BAIAP2: variants seen among roughly 807,000 people sequenced by gnomAD.
The protein encoded by BAIAP2 is BAR/IMD domain containing adaptor protein 2.
A neutral mutation model predicts 63.0 loss-of-function variants in BAIAP2; 18 were observed. The observed-to-expected ratio is 0.29, with a 90% confidence interval of 0.20 to 0.42. The LOEUF is 0.42. Among genes scored for constraint, BAIAP2 ranks in the 10% least tolerant of loss-of-function variants. The probability of loss-of-function intolerance (pLI) is 1.00; values close to 1 mark genes in which losing one functional copy is unlikely to be tolerated. For synonymous variants in BAIAP2, 386 were observed against 307.6 expected, an observed-to-expected ratio of 1.25 and a Z score of -2.67; for missense variants, 610 against 734.3, an observed-to-expected ratio of 0.83 and a Z score of 1.96.
chr17:81,067,701 C>A (rs994428907), intron 3 of BAIAP2, among the ~76,000 whole-genome samples: 1 of 152,224 alleles, frequency 6.6e-6, no homozygotes, highest in African/African-American at 2.4e-5. Flanking sequence ...CCTCTGCCGG[C>A]GTTGCTGCTG....
At chr17:81,049,342 C>T (rs1056363075) in intron 1 of BAIAP2, among the ~76,000 whole-genome samples, 2 of 152,202 alleles carry the variant, frequency 1.3e-5, no homozygotes, top group South Asian at 2.1e-4. Context: ...TGTCCCTGAG[C>T]GCCCTCAGTG....
intron 13 of BAIAP2, among the ~76,000 whole-genome samples, chr17:81,114,448 A>C (rs2060283397): frequency 6.6e-6 from 1 of 152,084 alleles, no homozygotes. Flanking sequence ...GCCCCTACCC[A>C]GGCCCCAGGA....
chr17:81,047,409 T>G (rs1411826383), intron 1 of BAIAP2, among the ~76,000 whole-genome samples: 1 of 152,214 alleles, frequency 6.6e-6, no homozygotes, highest in Non-Finnish European at 1.5e-5. Flanking sequence ...GGTCCTAGCA[T>G]CGACTCTTTC....
At chr17:81,100,552 G>A (rs1432517865) in intron 7 of BAIAP2, among the ~76,000 whole-genome samples, 4 of 152,020 alleles carry the variant, frequency 2.6e-5, no homozygotes, top group South Asian at 2.1e-4. Context: ...CTGCTCACCC[G>A]AGGCACTGAG....
intron 1 of BAIAP2, among the ~76,000 whole-genome samples, chr17:81,038,243 G>A (rs1223682930): frequency 6.6e-6 from 1 of 152,264 alleles, no homozygotes; most frequent in Admixed American, 6.5e-5. Flanking sequence ...TCTTGGGGAA[G>A]CCCCGTGCAT....
chr17:81,109,279 C>G, intron 13 of BAIAP2: 2 of 1,279,438 alleles, frequency 1.6e-6, no homozygotes, highest in Non-Finnish European at 2.0e-6. Flanking sequence ...GTGCGGGGCA[C>G]CCTCGGCCTC....
At chr17:81,076,503 C>G (rs193123097) in intron 3 of BAIAP2, 1 of 152,332 alleles carries the variant, frequency 6.6e-6, no homozygotes, top group East Asian at 1.9e-4. Context: ...GAGAATACCT[C>G]CAGAACACAC....
At chr17:81,081,001 T>C (rs1010550927) in intron 3 of BAIAP2, among the ~76,000 whole-genome samples, 3 of 152,186 alleles carry the variant, frequency 2.0e-5, no homozygotes, top group African/African-American at 2.4e-5. Flanking sequence ...GTGTGGACAC[T>C]CCGGGGCTGA....
intron 2 of BAIAP2, 132 bp from the exon 3 acceptor site, chr17:81,057,749 T>A: frequency 7.1e-7 from 1 of 1,409,118 alleles, no homozygotes; most frequent in Non-Finnish European, 9.2e-7. Flanking sequence ...TCACAGCGAG[T>A]CGAGTATTCT....
chr17:81,107,160 C>T (rs975151762), intron 12 of BAIAP2: 3 of 489,210 alleles, frequency 6.1e-6, no homozygotes, highest in South Asian at 6.3e-5. Flanking sequence ...CTCATGGTGC[C>T]CTCAGCCAGC....
chr17:81,110,240 C>G (rs1474332247), intron 13 of BAIAP2: 1 of 984,902 alleles, frequency 1.0e-6, no homozygotes, highest in Non-Finnish European at 1.2e-6. Flanking sequence ...GGAAGCAGCT[C>G]AAGACGCGGA....
At chr17:81,091,537 G>A (rs780945178) in intron 6 of BAIAP2, among the ~76,000 whole-genome samples, 2 of 152,178 alleles carry the variant, frequency 1.3e-5, no homozygotes, top group Non-Finnish European at 2.9e-5. Context: ...GCTGTCTCCA[G>A]TGTATGCCCT....
chr17:81,115,708 A>G, intron 13 of BAIAP2, 62 bp from the exon 14 acceptor site: 1 of 1,600,798 alleles, frequency 6.2e-7, no homozygotes. Context: ...CGGGCAGCCC[A>G]GGTGGCACAA....
At chr17:81,040,869 G>GT (rs1224988768) in intron 1 of BAIAP2, among the ~76,000 whole-genome samples, 1 of 152,208 alleles carries the variant, frequency 6.6e-6, no homozygotes, top group East Asian at 1.9e-4. Context: ...GGCTCTTGGT[G>GT]TTGGTCCTGC....
At chr17:81,084,384 T>TC (rs1259154567) in intron 3 of BAIAP2, among the ~76,000 whole-genome samples, 2 of 152,096 alleles carry the variant, frequency 1.3e-5, no homozygotes, top group Non-Finnish European at 2.9e-5. Context: ...CCCATGGGTG[T>TC]CCCCCAGAGG....
At chr17:81,082,689 C>T (rs1429955255) in intron 3 of BAIAP2, among the ~76,000 whole-genome samples, 2 of 152,348 alleles carry the variant, frequency 1.3e-5, no homozygotes, top group African/African-American at 2.4e-5. Flanking sequence ...GCCCCTGACA[C>T]GGAGCGTTCG....
At chr17:81,047,278 C>T (rs1481748806) in intron 1 of BAIAP2, among the ~76,000 whole-genome samples, 2 of 152,264 alleles carry the variant, frequency 1.3e-5, no homozygotes. Flanking sequence ...CAAGAGCTGA[C>T]AGGCTGGCCC....
At chr17:81,103,239 G>A (rs751892833) in intron 7 of BAIAP2, among the ~76,000 whole-genome samples, 6 of 152,230 alleles carry the variant, frequency 3.9e-5, no homozygotes, top group Non-Finnish European at 7.3e-5. Flanking sequence ...GATGGGCCCC[G>A]CGGGCGTTGA....
intron 3 of BAIAP2, among the ~76,000 whole-genome samples, chr17:81,066,693 G>T (rs1212623198): frequency 6.6e-6 from 1 of 152,210 alleles, no homozygotes; most frequent in Non-Finnish European, 1.5e-5. Context: ...AGTGGCTCCC[G>T]TTGGCCAAAG....
Sources: allele counts gnomAD v4.1 joint callset (sites outside exome capture counted in the v4.1 genomes callset), GRCh38; gene constraint gnomAD v4.1.1; transcripts MANE v1.5; gene names NCBI Gene and HGNC (gene_info 2026-07-23, HGNC 2026-07-21).